Variants in KIAA1328 observed in about 807,000 individuals in gnomAD.
KIAA1328 encodes protein hinderin.
In KIAA1328, 52 loss-of-function variants were observed where a neutral mutation model predicts 68.1. The ratio of observed to expected loss-of-function variants is 0.76; its 90% CI spans 0.61 to 0.96. The LOEUF is 0.96. KIAA1328 is among the 40% of genes least tolerant of loss of function. KIAA1328 has a pLI of 0.00. For missense variants in KIAA1328, 641 were observed against 677.6 expected (o/e 0.95, Z 0.60); for synonymous variants, 232 against 239.4 (o/e 0.97, Z 0.28).
intron 7 of KIAA1328, among the ~76,000 whole-genome samples, chr18:37,107,881 G>C (rs56217642): frequency 0.14 from 20,497 of 148,506 alleles, 1,701 homozygotes; most frequent in Admixed American, 0.19. Context: ...AAAAAAAACA[G>C]ATGCTGGCAA....
At chr18:37,172,235 A>G (rs1012341445) in intron 8 of KIAA1328, among the ~76,000 whole-genome samples, 2 of 152,202 alleles carry the variant, frequency 1.3e-5, no homozygotes, top group African/African-American at 4.8e-5. Context: ...GAAAAACTGC[A>G]TGTGATTCTT....
chr18:36,872,622 C>T (rs1253361238), intron 4 of KIAA1328, among the ~76,000 whole-genome samples: 1 of 152,104 alleles, frequency 6.6e-6, no homozygotes, highest in African/African-American at 2.4e-5. Context: ...AAAGTCTGCC[C>T]ATTACCAAGA....
chr18:37,112,287 A>T (rs754981585), intron 7 of KIAA1328, among the ~76,000 whole-genome samples: 14 of 152,182 alleles, frequency 9.2e-5, no homozygotes, highest in Non-Finnish European at 1.9e-4. Flanking sequence ...GAGCCGACTG[A>T]TACTTCATAC....
rs376224485 is a variant in KIAA1328 at position 37,051,650 on chromosome 18, A to G, written c.577-15240A>G. On this transcript the variant is annotated intron_variant, in intron 6 of 9. Transcript: ENST00000280020. ...GCAGAGCTGGTACGAATCTTACTGA[A>G]ACTATTTTTAAAAATCAAGGAGGAG... Among the ~76,000 whole-genome samples the G allele has an allele frequency of 1.8e-4, 27 of 152,314 alleles. No homozygotes were observed. The East Asian group carries it at 5.0e-3, about 28-fold the overall frequency.
intron 6 of KIAA1328, among the ~76,000 whole-genome samples, chr18:37,030,517 T>G (rs995843818): frequency 5.9e-5 from 9 of 152,190 alleles, no homozygotes; most frequent in Non-Finnish European, 8.8e-5. Context: ...AAATGTGTCT[T>G]CCACAATTTC....
At chr18:37,178,926 A>G (rs1354986599) in intron 9 of KIAA1328, among the ~76,000 whole-genome samples, 2 of 151,832 alleles carry the variant, frequency 1.3e-5, no homozygotes, top group Non-Finnish European at 2.9e-5. Context: ...TAGTCACTTT[A>G]TTTTCTTGCT....
chr18:36,941,661 C>G (rs945973897), intron 5 of KIAA1328, among the ~76,000 whole-genome samples: 4 of 152,012 alleles, frequency 2.6e-5, no homozygotes, highest in Admixed American at 2.6e-4. Flanking sequence ...GTCAGTAATA[C>G]TCTCATGGAA....
At chr18:37,000,058 G>T (rs1269643367) in intron 6 of KIAA1328, among the ~76,000 whole-genome samples, 1 of 151,810 alleles carries the variant, frequency 6.6e-6, no homozygotes, top group African/African-American at 2.4e-5. Flanking sequence ...AGAATATACA[G>T]AATATTTAAA....
chr18:37,174,269 T>G (rs1157984394), intron 9 of KIAA1328, among the ~76,000 whole-genome samples: 1 of 152,186 alleles, frequency 6.6e-6, no homozygotes, highest in Admixed American at 6.5e-5. Context: ...CCTCGTAATC[T>G]TAAATATTGT....
chr18:36,905,562 C>T (rs1026980838), intron 5 of KIAA1328, among the ~76,000 whole-genome samples: 3 of 152,028 alleles, frequency 2.0e-5, no homozygotes, highest in South Asian at 2.1e-4. Context: ...TTTACAAAAA[C>T]GTCTTTATTT....
At chr18:36,895,992 A>G (rs536561831) in intron 5 of KIAA1328, among the ~76,000 whole-genome samples, 1 of 152,316 alleles carries the variant, frequency 6.6e-6, no homozygotes, top group Non-Finnish European at 1.5e-5. Flanking sequence ...ACTGTGAGAA[A>G]ATAAATATCT....
chr18:36,982,095 T>TATATATAATATAATTATATA (rs1568249347), intron 6 of KIAA1328, among the ~76,000 whole-genome samples: 1 of 144,284 alleles, frequency 6.9e-6, no homozygotes, highest in Non-Finnish European at 1.5e-5. Context: ...TATATTATAT[T>TATATATAATATAATTATATA]ATATATAATA....
chr18:36,950,051 T>C (rs1398577029), intron 5 of KIAA1328, among the ~76,000 whole-genome samples: 2 of 152,198 alleles, frequency 1.3e-5, no homozygotes, highest in Non-Finnish European at 1.5e-5. Context: ...TGGAATCACT[T>C]TTTCTTTTTA....
At chr18:37,229,885 CAA>C (rs1222210750), downstream of KIAA1328, 76 of 100,192 alleles carry the variant, frequency 7.6e-4, no homozygotes, top group South Asian at 1.4e-3. Flanking sequence ...GACTCCATCT[CAA>C]AAAAAAAAAA....
chr18:36,999,703 A>C (rs922111056), intron 6 of KIAA1328, among the ~76,000 whole-genome samples: 2 of 152,206 alleles, frequency 1.3e-5, no homozygotes, highest in Non-Finnish European at 2.9e-5. Flanking sequence ...GGAAGGATAA[A>C]TAAAATATTT....
intron 6 of KIAA1328, among the ~76,000 whole-genome samples, chr18:36,978,510 G>A (rs1306982008): frequency 1.3e-5 from 2 of 152,206 alleles, no homozygotes; most frequent in Non-Finnish European, 2.9e-5. Context: ...GGCCAGCTAT[G>A]GTAACTCTTC....
intron 3 of KIAA1328, among the ~76,000 whole-genome samples, chr18:36,843,362 G>A (rs533523315): frequency 1.3e-5 from 2 of 152,112 alleles, no homozygotes; most frequent in South Asian, 2.1e-4. Context: ...TTGGCTACCC[G>A]AGGTAATTGG....
At chr18:36,856,075 A>G (rs956198446) in intron 4 of KIAA1328, among the ~76,000 whole-genome samples, 26 of 151,932 alleles carry the variant, frequency 1.7e-4, no homozygotes, top group Admixed American at 1.7e-3. Flanking sequence ...TTCCTTGTGT[A>G]TGACGAATCA....
chr18:36,913,072 A>T (rs187275836), intron 5 of KIAA1328, among the ~76,000 whole-genome samples: 1 of 152,128 alleles, frequency 6.6e-6, no homozygotes, highest in Non-Finnish European at 1.5e-5. Flanking sequence ...GAAAGGTGGC[A>T]CATGTTTGTG....
Sources: gnomAD v4.1 joint callset for allele counts (sites outside exome capture counted in the v4.1 genomes callset) on GRCh38, gnomAD v4.1.1 for gene constraint, MANE v1.5 for transcripts, NCBI Gene and HGNC (gene_info 2026-07-23, HGNC 2026-07-21) for gene names.